The following SPMIP4 variants were observed in gnomAD, a reference collection of about 807,000 sequenced individuals.
SPMIP4 encodes the protein sperm microtubule inner protein 4.
chr7:25,166,768 C>A, the SPMIP4 span, among the ~76,000 whole-genome samples: 3 of 151,550 alleles, frequency 2.0e-5, no homozygotes, highest in Non-Finnish European at 4.4e-5. Context: ...GTGGCACACG[C>A]CTGTAATCCC....
chr7:25,166,042 A>G, the SPMIP4 span, among the ~76,000 whole-genome samples: 1 of 152,070 alleles, frequency 6.6e-6, no homozygotes, highest in Non-Finnish European at 1.5e-5. Context: ...CATGAGCTTC[A>G]TGAGGGGCAT....
At chr7:25,174,039 T>C in the SPMIP4 span, among the ~76,000 whole-genome samples, 2 of 152,350 alleles carry the variant, frequency 1.3e-5, no homozygotes, top group South Asian at 4.1e-4. The surrounding 1 kb of genome is among the most constrained non-coding windows in gnomAD (Gnocchi z 4.5). Flanking sequence ...GATTTCATGA[T>C]AGGATTTCAT....
chr7:25,155,218 A>G, the SPMIP4 span: 1 of 1,488,480 alleles, frequency 6.7e-7, no homozygotes, highest in South Asian at 1.4e-5. Flanking sequence ...GAAACAAAAC[A>G]AAATGAAAAG....
chr7:25,174,876 T>C, the SPMIP4 span, among the ~76,000 whole-genome samples: 4 of 152,320 alleles, frequency 2.6e-5, no homozygotes, highest in South Asian at 8.3e-4. The surrounding 1 kb of genome is among the most constrained non-coding windows in gnomAD (Gnocchi z 4.5). Flanking sequence ...CCTGTTTATA[T>C]ACTTAATATT....
the SPMIP4 span, among the ~76,000 whole-genome samples, chr7:25,178,203 A>G: frequency 6.6e-6 from 1 of 152,286 alleles, no homozygotes; most frequent in East Asian, 1.9e-4. Context: ...TTATCCAGTC[A>G]ACCACTGATG....
At chr7:25,140,677 C>A in the SPMIP4 span, among the ~76,000 whole-genome samples, 1 of 151,806 alleles carries the variant, frequency 6.6e-6, no homozygotes, top group Non-Finnish European at 1.5e-5. Flanking sequence ...CCGCCCCATC[C>A]CCCTGGCTGA....
At chr7:25,150,841 G>GT in the SPMIP4 span, among the ~76,000 whole-genome samples, 268 of 152,336 alleles carry the variant, frequency 1.8e-3, no homozygotes, top group African/African-American at 6.1e-3. Flanking sequence ...GTTAAATGAT[G>GT]TATTTAGAGT....
At chr7:25,161,188 C>T in the SPMIP4 span, 8 of 1,527,974 alleles carry the variant, frequency 5.2e-6, no homozygotes, top group East Asian at 2.3e-5. Flanking sequence ...CCCAGACTTA[C>T]AAAGAATCAT....
At chr7:25,154,216 T>G in the SPMIP4 span, among the ~76,000 whole-genome samples, 24 of 152,244 alleles carry the variant, frequency 1.6e-4, no homozygotes, top group African/African-American at 5.5e-4. Flanking sequence ...ATTCTGTCCT[T>G]GCATTTTGGT....
the SPMIP4 span, among the ~76,000 whole-genome samples, chr7:25,126,140 C>G: frequency 6.6e-6 from 1 of 152,084 alleles, no homozygotes; most frequent in Non-Finnish European, 1.5e-5. Context: ...AACGGTCTAT[C>G]CATCACCTCA....
At chr7:25,162,568 T>A in the SPMIP4 span, among the ~76,000 whole-genome samples, 1 of 151,990 alleles carries the variant, frequency 6.6e-6, no homozygotes, top group Non-Finnish European at 1.5e-5. Context: ...AGCAGAGAAA[T>A]GCATTCTCAT....
At chr7:25,150,233 A>C in the SPMIP4 span, among the ~76,000 whole-genome samples, 1 of 152,236 alleles carries the variant, frequency 6.6e-6, no homozygotes, top group Non-Finnish European at 1.5e-5. Context: ...TTTAATGACT[A>C]GGAAGAAACT....
the SPMIP4 span, among the ~76,000 whole-genome samples, chr7:25,161,026 TTTTG>T: frequency 1.2e-4 from 18 of 152,188 alleles, no homozygotes; most frequent in African/African-American, 4.3e-4. Context: ...ATTTATTTGC[TTTTG>T]TTTGTTTGGT....
the SPMIP4 span, among the ~76,000 whole-genome samples, chr7:25,170,330 G>C: frequency 1.3e-5 from 2 of 152,040 alleles, no homozygotes; most frequent in Admixed American, 1.3e-4. Flanking sequence ...GTACCTATTG[G>C]CAATATCTTT....
At chr7:25,141,443 G>A in the SPMIP4 span, among the ~76,000 whole-genome samples, 30 of 151,876 alleles carry the variant, frequency 2.0e-4, no homozygotes, top group Admixed American at 3.9e-4. Context: ...GTGGTGGTGC[G>A]TGCCTGTAAT....
the SPMIP4 span, chr7:25,142,911 G>C: frequency 2.2e-6 from 2 of 894,062 alleles, no homozygotes; most frequent in Non-Finnish European, 3.2e-6. Context: ...GGAAATTCCA[G>C]GCTGACGTCA....
chr7:25,177,311 T>C, the SPMIP4 span, among the ~76,000 whole-genome samples: 2 of 152,090 alleles, frequency 1.3e-5, no homozygotes, highest in African/African-American at 4.8e-5. Context: ...TGAAACCCCA[T>C]TTCTACTAAA....
At chr7:25,134,021 G>A in the SPMIP4 span, among the ~76,000 whole-genome samples, 5 of 152,214 alleles carry the variant, frequency 3.3e-5, no homozygotes, top group African/African-American at 7.2e-5. Context: ...CAGCACTTTG[G>A]GAGGCCGAGG....
At chr7:25,161,118 A>G in the SPMIP4 span, 1 of 880,600 alleles carries the variant, frequency 1.1e-6, no homozygotes, top group Non-Finnish European at 1.7e-6. Flanking sequence ...GGCTTTAAAA[A>G]TGTCTCATAT....
Sources: gnomAD v4.1 joint callset for allele counts (sites outside exome capture counted in the v4.1 genomes callset) on GRCh38, gnomAD v4.1.1 for gene constraint, Gnocchi (gnomAD v3.1) non-coding constraint, MANE v1.5 for transcripts, NCBI Gene and HGNC (gene_info 2026-07-23, HGNC 2026-07-21) for gene names.